Variants in GPC6 observed in about 807,000 individuals in gnomAD.
The protein encoded by GPC6 is glypican-6.
A neutral mutation model predicts 55.2 loss-of-function variants in GPC6; 14 were observed. The ratio of observed to expected loss-of-function variants is 0.25; its 90% confidence interval spans 0.17 to 0.40. GPC6 has a LOEUF of 0.40. GPC6 is among the 10% of genes least tolerant of loss of function. The pLI is 1.00. For synonymous variants in GPC6, 278 were observed against 259.6 expected (o/e 1.07, Z -0.68); for missense variants, 641 against 708.5 (o/e 0.90, Z 1.08).
intron 7 of GPC6, among the ~76,000 whole-genome samples, chr13:94,392,394 C>A (rs1594236139): frequency 6.8e-6 from 1 of 146,728 alleles, no homozygotes; most frequent in East Asian, 2.0e-4. Flanking sequence ...ATTGCTGGAT[C>A]ATATGGTAAT....
At chr13:93,776,182 A>G (rs1049201307) in intron 2 of GPC6, among the ~76,000 whole-genome samples, 28 of 152,116 alleles carry the variant, frequency 1.8e-4, no homozygotes, top group Non-Finnish European at 2.8e-4. Context: ...TAATCTCTCA[A>G]TGTTGTACTT....
At chr13:93,871,205 A>G (rs778100211) in intron 3 of GPC6, among the ~76,000 whole-genome samples, 1 of 151,874 alleles carries the variant, frequency 6.6e-6, no homozygotes, top group Non-Finnish European at 1.5e-5. Context: ...GTCACTTACA[A>G]TTTGTCTGAA....
intron 8 of GPC6, among the ~76,000 whole-genome samples, chr13:94,401,868 G>T (rs569231123): frequency 1.3e-5 from 2 of 152,200 alleles, no homozygotes; most frequent in East Asian, 3.9e-4. Context: ...GGAGTTTGGG[G>T]CTGCAGTGAG....
In GPC6 at chr13:94,266,140, ACTTTT is replaced by A. The variant is rs1310490216; in HGVS notation, c.878-20198_878-20194del. 9.1e-5 allele frequency among the ~76,000 whole-genome samples: 11 copies of A among 120,942 alleles called. No homozygotes were observed. In the South Asian group the frequency reaches 2.0e-3, roughly 22 times the overall value. 79.3% of individuals were successfully genotyped at this position (120,942 alleles called of 152,430 possible). ...TTGTTTTCTCGTTTTTCTTTTCTTTACTTTTCTTTTCTTTTTTTTTTTTGTTTGTT... is the reference window on the plus strand; with the variant it reads ...TTGTTTTCTCGTTTTTCTTTTCTTTACTTTTCTTTTTTTTTTTTGTTTGTT... On this transcript the variant is annotated intron_variant, in intron 4 of 8. Transcript: ENST00000377047.
intron 2 of GPC6, among the ~76,000 whole-genome samples, chr13:93,646,478 A>C (rs1880177200): frequency 6.6e-6 from 1 of 152,122 alleles, no homozygotes; most frequent in African/African-American, 2.4e-5. Flanking sequence ...TGTCATCAAC[A>C]GTTTGGGATG....
rs953643255 is a variant in GPC6 at position 94,007,154 on chromosome 13, T to G, written c.712-20575T>G. Among the ~76,000 whole-genome samples, 80 of 152,208 alleles carry G rather than the reference T, an allele frequency of 5.3e-4. 1 individual carries two copies. The highest frequency in any genetic ancestry group is 3.3e-4 in the Admixed American group (5 of 15,280). ...TCAGATTCCTGAAATCCATCTCACGTCATCTGACACGAGTGGTTACAACAC... is the reference window on the plus strand; with the variant it reads ...TCAGATTCCTGAAATCCATCTCACGGCATCTGACACGAGTGGTTACAACAC... On this transcript the variant is annotated intron_variant, in intron 3 of 8. Transcript: ENST00000377047.
intron 2 of GPC6, among the ~76,000 whole-genome samples, chr13:93,829,141 G>C (rs1887388061): frequency 6.6e-6 from 1 of 150,880 alleles, no homozygotes; most frequent in Non-Finnish European, 1.5e-5. Context: ...TTTTACTCTT[G>C]GGAACTTAGA....
chr13:93,817,833 G>A (rs202152308), intron 2 of GPC6, among the ~76,000 whole-genome samples: 7 of 151,368 alleles, frequency 4.6e-5, no homozygotes, highest in East Asian at 2.0e-4. Flanking sequence ...ACTTCAGCCT[G>A]GGTGACAGAG....
At chr13:93,630,271 C>T (rs966928260) in intron 2 of GPC6, among the ~76,000 whole-genome samples, 5 of 152,090 alleles carry the variant, frequency 3.3e-5, no homozygotes, top group Non-Finnish European at 5.9e-5. Context: ...ATGGAGTCAG[C>T]GTTATATAGA....
intron 4 of GPC6, among the ~76,000 whole-genome samples, chr13:94,122,498 C>T (rs558005673): frequency 2.6e-5 from 4 of 152,056 alleles, no homozygotes; most frequent in South Asian, 2.1e-4. Flanking sequence ...GTTGGATGAC[C>T]AGTCCTGCAA....
At chr13:94,142,055 C>A (rs1887397857) in intron 4 of GPC6, among the ~76,000 whole-genome samples, 1 of 151,676 alleles carries the variant, frequency 6.6e-6, no homozygotes, top group African/African-American at 2.4e-5. Context: ...TATCCTATTG[C>A]CTATACTATC....
chr13:94,357,007 C>T (rs954957535), intron 6 of GPC6, among the ~76,000 whole-genome samples: 2 of 152,192 alleles, frequency 1.3e-5, no homozygotes, highest in Non-Finnish European at 2.9e-5. Flanking sequence ...AGACACCACT[C>T]GTCTGTCCCC....
chr13:93,558,985 A>T (rs371162651), intron 2 of GPC6, among the ~76,000 whole-genome samples: 3 of 152,292 alleles, frequency 2.0e-5, no homozygotes, highest in East Asian at 3.9e-4. Flanking sequence ...TGGCCACTAC[A>T]ATAGTGGCCC....
At chr13:93,992,448 C>G (rs1033588656) in intron 3 of GPC6, among the ~76,000 whole-genome samples, 5 of 152,030 alleles carry the variant, frequency 3.3e-5, no homozygotes, top group African/African-American at 9.7e-5. Context: ...AGAGGCAGGG[C>G]TTTTATATAA....
At chr13:93,872,255 C>T (rs987423999) in intron 3 of GPC6, among the ~76,000 whole-genome samples, 9 of 151,932 alleles carry the variant, frequency 5.9e-5, no homozygotes, top group Non-Finnish European at 1.2e-4. Flanking sequence ...CACTTATGAA[C>T]AGAAACACCC....
chr13:94,050,401 G>A (rs950234988), intron 4 of GPC6, among the ~76,000 whole-genome samples: 7 of 152,040 alleles, frequency 4.6e-5, no homozygotes, highest in African/African-American at 9.7e-5. Context: ...AAACTCTATC[G>A]TGCTTCCCAT....
intron 4 of GPC6, among the ~76,000 whole-genome samples, chr13:94,042,321 A>G (rs1288063405): frequency 1.3e-5 from 2 of 151,908 alleles, no homozygotes; most frequent in Non-Finnish European, 2.9e-5. Context: ...TCATTTCTTT[A>G]TGAATTATGG....
At position 93,495,574 on chromosome 13, in the gene GPC6, C is replaced by T. The variant is rs200859669; in HGVS notation, c.161-49689C>T. Among the ~76,000 whole-genome samples the T allele has an allele frequency of 2.5e-3, 319 of 125,842 alleles. 3 individuals carry two copies. In the East Asian group the frequency reaches 0.051, roughly 20 times the overall value. 82.6% of individuals were successfully genotyped at this position (125,842 alleles called of 152,430 possible). ...TTGTTCCGTTGCTGGTGAGGAACTG[C>T]GTTCCTTTGGAGGAGGAGAGGTGCT... On this transcript the variant is annotated intron_variant, in intron 1 of 8. Coordinates refer to ENST00000377047, the MANE Select transcript of GPC6 (RefSeq NM_005708.5).
intron 3 of GPC6, among the ~76,000 whole-genome samples, chr13:93,841,963 T>C (rs1029088022): frequency 6.6e-6 from 1 of 152,184 alleles, no homozygotes; most frequent in African/African-American, 2.4e-5. Context: ...ATGCATACTA[T>C]TTTTATAGTA....
Sources: gnomAD v4.1 joint callset for allele counts (sites outside exome capture counted in the v4.1 genomes callset) on GRCh38, gnomAD v4.1.1 for gene constraint, MANE v1.5 for transcripts, NCBI Gene and HGNC (gene_info 2026-07-23, HGNC 2026-07-21) for gene names.